The following RHBDD1 variants were observed in gnomAD, a reference collection of about 807,000 sequenced individuals.
RHBDD1 encodes the protein rhomboid domain containing 1, also known as rhomboid-related protein 4.
RHBDD1 carries 38 observed loss-of-function variants against 36.3 expected under a neutral mutation model. That is an observed-to-expected ratio of 1.05 (90% confidence interval 0.81 to 1.37). RHBDD1 has a LOEUF of 1.37. Among genes scored for constraint, RHBDD1 ranks in the 40% most tolerant of loss-of-function variants. The pLI is 0.00. For synonymous variants in RHBDD1, 151 were observed against 136.5 expected (o/e 1.11, Z -0.74); for missense variants, 393 against 377.6 (o/e 1.04, Z -0.34).
the RHBDD1 span, among the ~76,000 whole-genome samples, chr2:226,824,953 G>A: frequency 1.3e-5 from 2 of 152,144 alleles, no homozygotes; most frequent in African/African-American, 4.8e-5. Context: ...CAGGCACACT[G>A]GAAAGCTAAG....
intron 3 of RHBDD1, among the ~76,000 whole-genome samples, chr2:226,859,862 A>T (rs957902686): frequency 6.6e-6 from 1 of 152,208 alleles, no homozygotes; most frequent in Non-Finnish European, 1.5e-5. Flanking sequence ...TTTATACAAG[A>T]TTACTCTAAG....
chr2:226,929,420 T>C (rs959710653), intron 8 of RHBDD1, among the ~76,000 whole-genome samples: 1 of 152,108 alleles, frequency 6.6e-6, no homozygotes, highest in African/African-American at 2.4e-5. Flanking sequence ...TCTCAATTGA[T>C]GCATAAAAAG....
At chr2:226,953,585 T>C (rs1217694015) in intron 8 of RHBDD1, among the ~76,000 whole-genome samples, 1 of 152,318 alleles carries the variant, frequency 6.6e-6, no homozygotes, top group East Asian at 1.9e-4. Context: ...TTCTACCTTA[T>C]CACCTAAGTT....
chr2:226,907,034 G>A (rs536903538), intron 6 of RHBDD1, 153 bp downstream of exon 6: 98 of 769,432 alleles, frequency 1.3e-4, no homozygotes, highest in Middle Eastern at 4.5e-4. Flanking sequence ...AAAACAACCA[G>A]TGCAGTTCCT....
At chr2:226,910,055 A>G (rs115448413) in intron 7 of RHBDD1, among the ~76,000 whole-genome samples, 4,551 of 152,340 alleles carry the variant, frequency 0.03, 78 homozygotes, top group Middle Eastern at 0.099. Context: ...GTGTTCCAAT[A>G]GAATCTTATT....
rs185240907 is a variant in RHBDD1, at chr2:226,865,807, C to T, written c.433+681C>T. Among the ~76,000 whole-genome samples, 8 of 152,330 alleles carry T rather than the reference C, an allele frequency of 5.3e-5. No individual in the cohort carries two copies. In the East Asian group the frequency reaches 1.5e-3, roughly 29 times the overall value. ...TGTTTCAGCCAGCCCCCTTTTATCT[C>T]AGGGTGTTGGATTTCCAGCACATTT... On this transcript the variant is annotated intron_variant, in intron 4 of 8. Transcript: ENST00000392062.
intron 8 of RHBDD1, among the ~76,000 whole-genome samples, chr2:226,929,126 G>A (rs182054593): frequency 1.3e-5 from 2 of 152,182 alleles, no homozygotes; most frequent in East Asian, 3.9e-4. Flanking sequence ...CTGAGAAAGA[G>A]GGAATCGTCC....
At chr2:226,884,208 G>T (rs1040435170) in intron 5 of RHBDD1, among the ~76,000 whole-genome samples, 5 of 151,910 alleles carry the variant, frequency 3.3e-5, no homozygotes, top group Admixed American at 2.6e-4. Flanking sequence ...TCTTCTGCTT[G>T]TGCAGTATTA....
chr2:226,861,486 C>T (rs1943848296), intron 3 of RHBDD1, among the ~76,000 whole-genome samples: 2 of 152,186 alleles, frequency 1.3e-5, no homozygotes, highest in Non-Finnish European at 1.5e-5. Flanking sequence ...TATCTATATT[C>T]TTCATTACTA....
At chr2:226,988,398 A>G in intron 8 of RHBDD1, 1 of 1,550,548 alleles carries the variant, frequency 6.4e-7, no homozygotes, top group Non-Finnish European at 8.7e-7. Context: ...AGAACAGACA[A>G]AGGACCCAGA....
chr2:226,809,520 T>C, the RHBDD1 span, among the ~76,000 whole-genome samples: 140 of 151,832 alleles, frequency 9.2e-4, no homozygotes, highest in Middle Eastern at 3.4e-3. Flanking sequence ...GAAAAATTCC[T>C]ATGAGGACAG....
At chr2:226,807,248 T>C in the RHBDD1 span, among the ~76,000 whole-genome samples, 1 of 152,228 alleles carries the variant, frequency 6.6e-6, no homozygotes, top group African/African-American at 2.4e-5. Context: ...AGTTAGAGAT[T>C]ATAAATGTAT....
chr2:226,973,328 G>C (rs1953937094), intron 8 of RHBDD1, among the ~76,000 whole-genome samples: 1 of 152,228 alleles, frequency 6.6e-6, no homozygotes, highest in East Asian at 1.9e-4. Context: ...AATTGTTTAA[G>C]ACATTTTCCT....
At chr2:226,817,357 G>A in the RHBDD1 span, among the ~76,000 whole-genome samples, 2 of 152,312 alleles carry the variant, frequency 1.3e-5, no homozygotes, top group African/African-American at 2.4e-5. Flanking sequence ...AGTTGATCTG[G>A]TAGGCCTAGT....
At chr2:226,899,290 T>G (rs530773516) in intron 5 of RHBDD1, among the ~76,000 whole-genome samples, 4 of 152,236 alleles carry the variant, frequency 2.6e-5, no homozygotes, top group Non-Finnish European at 5.9e-5. Flanking sequence ...CAATAATATC[T>G]TAATCTTAGT....
rs181841165 is a variant in RHBDD1, at chr2:226,908,849, C to A, written c.683C>A (p.Pro228Gln). 4 of 1,607,822 alleles carry A rather than the reference C, an allele frequency of 2.5e-6. No individual in the cohort carries two copies. The highest frequency in any genetic ancestry group is 3.4e-6 in the Non-Finnish European group (4 of 1,174,292). Reference protein sequence around the residue: ...AGGFSSSVGYPGRQYYFNSSG... With the variant: ...AGGFSSSVGYQGRQYYFNSSG... ...GGTTTTTCCTCCAGTGTTGGTTACCCAGGACGGCAATACTACTTTAATAGT... is the reference window on the plus strand; with the variant it reads ...GGTTTTTCCTCCAGTGTTGGTTACCAAGGACGGCAATACTACTTTAATAGT... The change falls in exon 7 of 9, where the codon CCA becomes CAA. Residue 228 changes from proline (P) to glutamine (Q), a missense_variant. By Grantham distance (76) the Pro-to-Gln change is moderately conservative. Transcript: ENST00000392062.
At chr2:226,981,820 C>G (rs1481243199) in intron 8 of RHBDD1, among the ~76,000 whole-genome samples, 1 of 152,210 alleles carries the variant, frequency 6.6e-6, no homozygotes, top group Non-Finnish European at 1.5e-5. Context: ...AAGAATTTCT[C>G]AGCTCTGGGG....
intron 5 of RHBDD1, among the ~76,000 whole-genome samples, chr2:226,889,516 G>T (rs1056323219): frequency 1.3e-5 from 2 of 152,194 alleles, no homozygotes; most frequent in Non-Finnish European, 2.9e-5. Context: ...ACAAAACCTC[G>T]TAGCAGACTT....
chr2:226,983,740 C>A (rs1299193594), intron 8 of RHBDD1, among the ~76,000 whole-genome samples: 2 of 151,906 alleles, frequency 1.3e-5, no homozygotes, highest in African/African-American at 4.8e-5. Context: ...TGGCTAATTT[C>A]AAATGGTCTT....
Sources: allele counts gnomAD v4.1 joint callset (sites outside exome capture counted in the v4.1 genomes callset), GRCh38; gene constraint gnomAD v4.1.1; transcripts MANE v1.5; gene names NCBI Gene and HGNC (gene_info 2026-07-23, HGNC 2026-07-21).